Variants in PCDHGA3 observed in about 807,000 individuals in gnomAD.
PCDHGA3 encodes protocadherin gamma subfamily A, 3.
Under a neutral mutation model 58.5 loss-of-function variants are expected in PCDHGA3, and 40 were observed. The observed-to-expected ratio is 0.68, with a 90% CI of 0.53 to 0.89. PCDHGA3 has a LOEUF of 0.89. Among genes scored for constraint, PCDHGA3 ranks in the 40% least tolerant of loss-of-function variants. The pLI, the probability that PCDHGA3 is intolerant of heterozygous loss-of-function variation, is 0.00. For synonymous variants in PCDHGA3, 530 were observed against 525.7 expected (o/e 1.01, Z -0.11); for missense variants, 1,223 against 1,195.9 (o/e 1.02, Z -0.33).
In PCDHGA3 at chr5:141,489,633, T is replaced by C. The variant is rs1298084961; in HGVS notation, c.2425-5174T>C. On this transcript the variant is annotated intron_variant, in intron 1 of 3. Coordinates refer to ENST00000253812, the MANE Select transcript of PCDHGA3 (RefSeq NM_018916.4). The surrounding 1 kb of genome is among the most constrained non-coding windows in gnomAD (Gnocchi z 4.5). ...TCCTGGATCTCAATGACAACTCTCC[T>C]AGCTTTGCCACCCCTGAGCGAGAGA... The C allele has an allele frequency of 6.2e-7, 1 of 1,614,160 alleles. No individual in the cohort carries two copies. Among genetic ancestry groups the C allele is most frequent in the South Asian group, 1.1e-5 (1 of 91,086 alleles).
At chr5:141,366,203 G>C in intron 1 of PCDHGA3, 3 of 1,613,862 alleles carry the variant, frequency 1.9e-6, no homozygotes, top group Non-Finnish European at 2.5e-6. Flanking sequence ...GCACACGGGC[G>C]AGGTGCGCAC....
chr5:141,389,999 G>C (rs777892783), intron 1 of PCDHGA3: 4 of 1,614,018 alleles, frequency 2.5e-6, no homozygotes, highest in Non-Finnish European at 3.4e-6. Context: ...TCGTGGCCAT[G>C]ATTCTGGCCA....
At chr5:141,440,115 A>G (rs921555018) in intron 1 of PCDHGA3, 4 of 152,250 alleles carry the variant, frequency 2.6e-5, no homozygotes, top group African/African-American at 4.8e-5. Flanking sequence ...TTACTTGTGA[A>G]TGACTGAATG....
intron 1 of PCDHGA3, chr5:141,409,619 C>A: frequency 6.2e-7 from 1 of 1,613,898 alleles, no homozygotes; most frequent in Non-Finnish European, 8.5e-7. Flanking sequence ...CTCCATTGCG[C>A]AAGTGAGCGC....
At chr5:141,453,093 C>A (rs1408495535) in intron 1 of PCDHGA3, among the ~76,000 whole-genome samples, 1 of 151,928 alleles carries the variant, frequency 6.6e-6, no homozygotes, top group African/African-American at 2.4e-5. Context: ...AGTATATTTT[C>A]TGTTGCTTTT....
chr5:141,427,304 C>T, intron 1 of PCDHGA3: 1 of 456,910 alleles, frequency 2.2e-6, no homozygotes, highest in Non-Finnish European at 4.4e-6. Flanking sequence ...ATGAGAATGA[C>T]AATGCCCCAG....
intron 1 of PCDHGA3, chr5:141,371,552 A>G (rs1414054761): frequency 1.9e-6 from 3 of 1,613,854 alleles, no homozygotes; most frequent in Admixed American, 1.7e-5. Context: ...TATGCCAACT[A>G]AAAGGAAACT....
intron 1 of PCDHGA3, chr5:141,351,845 C>T (rs1268718190): frequency 6.2e-7 from 1 of 1,613,250 alleles, no homozygotes; most frequent in Admixed American, 1.7e-5. Context: ...GCTCACACTG[C>T]AGGCCAGGGA....
chr5:141,432,934 G>T lies in PCDHGA3; in HGVS notation c.2425-61873G>T, dbSNP rs377666802. 1.2e-6 allele frequency: 2 copies of T among 1,614,078 alleles called. No individual in the cohort carries two copies. The highest frequency in any genetic ancestry group is 1.3e-5 in the African/African-American group (1 of 74,940). On this transcript the variant is annotated intron_variant, in intron 1 of 3. Coordinates refer to ENST00000253812, the MANE Select transcript of PCDHGA3 (RefSeq NM_018916.4). This position sits in a 1 kb window ranked among gnomAD's most constrained non-coding sequence, Gnocchi z 6.0. ...GGCGCTGGCACAAGTCACGCCTGCT[G>T]CAGGCTTCAGGAGGCGGCTTGACAG...
chr5:141,388,647 G>A lies in PCDHGA3; in HGVS notation c.2424+42190G>A, dbSNP rs778996768. ...ATACAGGGTGAGCCTTTCAGAAAAC[G>A]TGTACCCGGGGACCACGGTGCTACA... On this transcript the variant is annotated intron_variant, in intron 1 of 3. Coordinates refer to ENST00000253812, the MANE Select transcript of PCDHGA3 (RefSeq NM_018916.4). The A allele has an allele frequency of 6.8e-6, 11 of 1,613,892 alleles. No homozygotes were observed. The Admixed American group carries it at 1.0e-4, about 15-fold the overall frequency.
At chr5:141,411,341 G>A (rs903980826) in intron 1 of PCDHGA3, 4 of 152,064 alleles carry the variant, frequency 2.6e-5, no homozygotes, top group Admixed American at 6.5e-5. Context: ...AGGCTGAATC[G>A]GAAAGTATCA....
At chr5:141,382,133 T>C (rs1420684997) in intron 1 of PCDHGA3, among the ~76,000 whole-genome samples, 3 of 152,068 alleles carry the variant, frequency 2.0e-5, no homozygotes, top group Admixed American at 6.6e-5. Context: ...TGGCCCCCCC[T>C]CTCATTTTTT....
Position 141,512,423 on chromosome 5 carries a change from T to C in PCDHGA3, c.*1250T>C, listed in dbSNP as rs2099884220. ...GATGGGGCTTCTTCAACAGGGCCCC[T>C]GCCCTCCTGAAGCCTCAGTCCTTCA... is the stretch of plus-strand genomic sequence containing the variant. On this transcript the variant is annotated 3_prime_UTR_variant, in exon 4 of 4. Transcript: ENST00000253812. 1 of 152,754 alleles carries C rather than the reference T, an allele frequency of 6.5e-6. No individual in the cohort carries two copies. The highest frequency in any genetic ancestry group is 6.5e-5 in the Admixed American group (1 of 15,274). The allele number at this position is 152,754 out of a possible 1,614,324, so 9.5% of individuals were successfully genotyped here.
chr5:141,469,747 C>T (rs1392088794), intron 1 of PCDHGA3, among the ~76,000 whole-genome samples: 1 of 152,134 alleles, frequency 6.6e-6, no homozygotes, highest in Non-Finnish European at 1.5e-5. Context: ...TCAAAAATTA[C>T]AAAAATACAT....
chr5:141,394,912 T>C (rs1205097386), intron 1 of PCDHGA3: 11 of 1,613,694 alleles, frequency 6.8e-6, no homozygotes, highest in Non-Finnish European at 9.3e-6. Context: ...GTGGCTGCCA[T>C]CTCCTGTGTC....
Position 141,371,494 on chromosome 5 carries a change from C to A in PCDHGA3, c.2424+25037C>A, listed in dbSNP as rs535024997. ...GATGCTGAGCTGGGGACTGCCGTTG[C>A]CCTGATCAAAACACATGATCTAGAT... On this transcript the variant is annotated intron_variant, in intron 1 of 3. Transcript: ENST00000253812. 20 of 1,613,888 alleles carry A rather than the reference C, an allele frequency of 1.2e-5. No individual in the cohort carries two copies. In the South Asian group the frequency reaches 1.9e-4, roughly 15 times the overall value.
chr5:141,360,880 G>C, intron 1 of PCDHGA3: 1 of 1,614,004 alleles, frequency 6.2e-7, no homozygotes, highest in Non-Finnish European at 8.5e-7. Flanking sequence ...CGTGTACAGG[G>C]TCACCCTGAG....
chr5:141,507,810 G>A (rs550331241), intron 3 of PCDHGA3, among the ~76,000 whole-genome samples: 1 of 152,290 alleles, frequency 6.6e-6, no homozygotes, highest in African/African-American at 2.4e-5. Context: ...CCTGGGGAAC[G>A]GACCCTGGGG....
Position 141,491,401 on chromosome 5 carries a change from G to T in PCDHGA3, c.2425-3406G>T, listed in dbSNP as rs1442005704. ...GTCAGCGAAGTGCCTTCAGGGAAAC[G>T]CAGACGGGGACGGGGGTGGAGGGCA... On this transcript the variant is annotated intron_variant, in intron 1 of 3. Coordinates refer to ENST00000253812, the MANE Select transcript of PCDHGA3 (RefSeq NM_018916.4). The surrounding 1 kb of genome is among the most constrained non-coding windows in gnomAD (Gnocchi z 6.9). 1.2e-6 allele frequency: 2 copies of T among 1,614,102 alleles called. No homozygotes were observed. Among genetic ancestry groups the T allele is most frequent in the Non-Finnish European group, 1.7e-6 (2 of 1,179,990 alleles).
Sources: allele counts gnomAD v4.1 joint callset (sites outside exome capture counted in the v4.1 genomes callset), GRCh38; gene constraint gnomAD v4.1.1; non-coding constraint Gnocchi (gnomAD v3.1); transcripts MANE v1.5; gene names NCBI Gene and HGNC (gene_info 2026-07-23, HGNC 2026-07-21).